The following MICAL3 variants were observed in gnomAD, a reference collection of about 807,000 sequenced individuals.
MICAL3 encodes microtubule associated monooxygenase, calponin and LIM domain containing 3.
In MICAL3, 62 loss-of-function variants were observed where a neutral mutation model predicts 207.4. The observed-to-expected ratio is 0.30, with a 90% CI of 0.24 to 0.37. The LOEUF (loss-of-function observed/expected upper bound fraction) is 0.37. Ranked by LOEUF, MICAL3 falls within the 10% of genes least tolerant of loss-of-function variation. The pLI, the probability that MICAL3 is intolerant of heterozygous loss-of-function variation, is 1.00. For synonymous variants in MICAL3, 1,077 were observed against 1,069.3 expected (o/e 1.01, Z -0.14); for missense variants, 2,368 against 2,635.6 (o/e 0.90, Z 2.22).
intron 1 of MICAL3, among the ~76,000 whole-genome samples, chr22:17,978,031 T>C (rs1006998999): frequency 2.0e-5 from 3 of 147,956 alleles, no homozygotes; most frequent in Admixed American, 2.0e-4. Flanking sequence ...TCATAAAAAA[T>C]AAATAAATAA....
At chr22:17,976,457 T>C (rs1935633068) in intron 1 of MICAL3, among the ~76,000 whole-genome samples, 1 of 151,552 alleles carries the variant, frequency 6.6e-6, no homozygotes, top group Non-Finnish European at 1.5e-5. Context: ...TGTTCAGCAG[T>C]CATCAGTTTA....
intron 1 of MICAL3, chr22:18,006,470 T>A (rs1024027169): frequency 3.3e-5 from 5 of 152,230 alleles, no homozygotes; most frequent in South Asian, 4.2e-4. Flanking sequence ...ATAGGGAGAA[T>A]CATCTAATTC....
In MICAL3 at chr22:17,913,694, T is replaced by A. The variant is rs544045311; in HGVS notation, c.-74-6808A>T. Among the ~76,000 whole-genome samples the A allele has an allele frequency of 2.6e-5, 4 of 152,278 alleles. No homozygotes were observed. The South Asian group carries it at 8.3e-4, about 32-fold the overall frequency. On this transcript the variant is annotated intron_variant, in intron 1 of 31. Transcript: ENST00000441493. The stretch of plus-strand genomic sequence containing the variant: ...CTGTAGTACAGTCCTAACACTTATG[T>A]TGTATCTTTTCTAATTTTCATTTCT...
chr22:17,964,672 C>T (rs1328107285), intron 1 of MICAL3, among the ~76,000 whole-genome samples: 1 of 152,234 alleles, frequency 6.6e-6, no homozygotes, highest in Non-Finnish European at 1.5e-5. Flanking sequence ...ATCTGGTCCA[C>T]AAATAAGCTG....
At chr22:17,891,256 CA>C (rs11303045) in intron 12 of MICAL3, among the ~76,000 whole-genome samples, 56,920 of 143,880 alleles carry the variant, frequency 0.4, 11,182 homozygotes, top group African/African-American at 0.51. Flanking sequence ...TATAGGAGCA[CA>C]AAAAAAAAAA....
chr22:17,805,023 G>A (rs925864219), intron 29 of MICAL3, among the ~76,000 whole-genome samples: 1 of 152,220 alleles, frequency 6.6e-6, no homozygotes, highest in Non-Finnish European at 1.5e-5. Flanking sequence ...CGGAGAACGG[G>A]ATGGCAGGTC....
chr22:17,916,076 A>C (rs917952594), intron 1 of MICAL3, among the ~76,000 whole-genome samples: 6 of 150,870 alleles, frequency 4.0e-5, no homozygotes, highest in Admixed American at 3.3e-4. Flanking sequence ...AAAAAAAAAA[A>C]AAAACCCAAA....
At chr22:17,873,850 T>G (rs774618484) in intron 16 of MICAL3, among the ~76,000 whole-genome samples, 21 of 152,232 alleles carry the variant, frequency 1.4e-4, no homozygotes, top group Non-Finnish European at 2.5e-4. Flanking sequence ...CACCCTTCCA[T>G]GTGGAGATGG....
In MICAL3 at chr22:17,837,607, A is replaced by G. The variant is rs920117111; in HGVS notation, c.2801+4215T>C. Among the ~76,000 whole-genome samples, 6 of 152,212 alleles carry G rather than the reference A, an allele frequency of 3.9e-5. 1 individual carries two copies. The highest frequency in any genetic ancestry group is 1.4e-4 in the African/African-American group (6 of 41,462). On this transcript the variant is annotated intron_variant, in intron 20 of 31. Transcript: ENST00000441493. ...GCCCACTGGCCTTTCCAGTGAAAACAAAGCTGCTATTTCCAGGGTCTCCTC... is the reference window on the plus strand; with the variant it reads ...GCCCACTGGCCTTTCCAGTGAAAACGAAGCTGCTATTTCCAGGGTCTCCTC...
In MICAL3 at chr22:17,843,613, C is replaced by T. The variant is rs1924303808; in HGVS notation, c.2606-1596G>A. Among the ~76,000 whole-genome samples the T allele has an allele frequency of 2.6e-5, 4 of 152,322 alleles. No homozygotes were observed. The South Asian group carries it at 6.2e-4, about 24-fold the overall frequency. Reference sequence around the variant, plus strand: ...ATGCACACATACTCATGTGGGGGTGCGTGTTGACCCTGCACCCCACACACA... The same window carrying T: ...ATGCACACATACTCATGTGGGGGTGTGTGTTGACCCTGCACCCCACACACA... On this transcript the variant is annotated intron_variant, in intron 19 of 31. Transcript: ENST00000441493.
At chr22:17,884,110 C>T (rs1290619652) in intron 16 of MICAL3, among the ~76,000 whole-genome samples, 1 of 152,282 alleles carries the variant, frequency 6.6e-6, no homozygotes, top group Admixed American at 6.5e-5. Flanking sequence ...TCAATCAGCA[C>T]TGCCTGTTCA....
At chr22:17,799,614 C>T (rs1412616166) in intron 29 of MICAL3, among the ~76,000 whole-genome samples, 1 of 152,206 alleles carries the variant, frequency 6.6e-6, no homozygotes, top group African/African-American at 2.4e-5. Flanking sequence ...TGCTCCTGGC[C>T]TGGGGCAGCC....
intron 1 of MICAL3, among the ~76,000 whole-genome samples, chr22:17,920,529 C>A (rs898950664): frequency 2.0e-5 from 3 of 152,206 alleles, no homozygotes; most frequent in Admixed American, 1.3e-4. Context: ...GGAACCCGCC[C>A]TCCCCTGGCT....
intron 22 of MICAL3, chr22:17,826,584 G>A (rs1922211605): frequency 1.2e-6 from 1 of 833,460 alleles, no homozygotes; most frequent in Non-Finnish European, 1.4e-6. Flanking sequence ...GGAGAGCCAA[G>A]GTCATCCTTA....
chr22:17,836,647 GTTTT>G (rs745531683), intron 20 of MICAL3, among the ~76,000 whole-genome samples: 1 of 141,870 alleles, frequency 7.0e-6, no homozygotes. Context: ...TTCCTGGGTG[GTTTT>G]TTTTTTTTTT....
intron 1 of MICAL3, among the ~76,000 whole-genome samples, chr22:17,917,622 T>A (rs528298492): frequency 6.6e-6 from 1 of 152,168 alleles, no homozygotes; most frequent in Non-Finnish European, 1.5e-5. Context: ...ATCAGACACG[T>A]TGACTGCCAC....
intron 1 of MICAL3, among the ~76,000 whole-genome samples, chr22:17,945,774 C>A (rs1934038272): frequency 6.6e-6 from 1 of 152,024 alleles, no homozygotes; most frequent in Non-Finnish European, 1.5e-5. Context: ...TCTCTTCTGC[C>A]CAGAGAGCAG....
chr22:17,886,234 C>T (rs1455968114), intron 15 of MICAL3, among the ~76,000 whole-genome samples, 183 bp from the exon 16 acceptor site: 1 of 152,194 alleles, frequency 6.6e-6, no homozygotes, highest in African/African-American at 2.4e-5. Flanking sequence ...AGTACTGGGA[C>T]CTGTGCTGGT....
At chr22:17,901,041 G>A (rs751010806) in intron 5 of MICAL3, 44 bp from the exon 6 acceptor site, 3 of 1,593,448 alleles carry the variant, frequency 1.9e-6, no homozygotes, top group Non-Finnish European at 2.6e-6. Context: ...ATTGGCTAGA[G>A]AAGGAAGATC....
Sources: allele counts gnomAD v4.1 joint callset (sites outside exome capture counted in the v4.1 genomes callset), GRCh38; gene constraint gnomAD v4.1.1; transcripts MANE v1.5; gene names NCBI Gene and HGNC (gene_info 2026-07-23, HGNC 2026-07-21).